Variants in FYB1 observed in about 807,000 individuals in gnomAD.
FYB1 encodes FYN binding protein 1.
In FYB1, 41 loss-of-function variants were observed where a neutral mutation model predicts 94.1. That is an observed-to-expected ratio of 0.44 (90% confidence interval 0.34 to 0.57). The LOEUF (loss-of-function observed/expected upper bound fraction) is 0.57. Ranked by LOEUF, FYB1 falls within the 20% of genes least tolerant of loss-of-function variation. The pLI is 0.02. For synonymous variants in FYB1, 367 were observed against 353.2 expected, an observed-to-expected ratio of 1.04 and a Z score of -0.44; for missense variants, 1,050 against 976.8, an observed-to-expected ratio of 1.07 and a Z score of -1.00.
chr5:39,196,758 C>T (rs1747871145), intron 2 of FYB1, among the ~76,000 whole-genome samples: 2 of 152,168 alleles, frequency 1.3e-5, no homozygotes, highest in Admixed American at 6.5e-5. Context: ...GGCAGCCCAG[C>T]ACGAGGAAGT....
At chr5:39,228,817 T>C (rs1259186774) in intron 1 of FYB1, among the ~76,000 whole-genome samples, 2 of 152,212 alleles carry the variant, frequency 1.3e-5, no homozygotes, top group African/African-American at 4.8e-5. Flanking sequence ...TGACTTATGA[T>C]GTAATCTTTC....
chr5:39,216,224 C>T (rs700189), intron 1 of FYB1, among the ~76,000 whole-genome samples: 152,006 of 152,302 alleles, frequency 1, 75,855 homozygotes, highest in Middle Eastern at 1. Context: ...AAATAATACA[C>T]GCCCTTACAA....
intron 2 of FYB1, among the ~76,000 whole-genome samples, chr5:39,200,363 C>A (rs892399194): frequency 6.6e-6 from 1 of 152,128 alleles, no homozygotes; most frequent in African/African-American, 2.4e-5. Context: ...CACACTGGAG[C>A]GGGAGTGAAA....
intron 2 of FYB1, among the ~76,000 whole-genome samples, chr5:39,187,647 C>T (rs1000996753): frequency 6.6e-6 from 1 of 152,152 alleles, no homozygotes; most frequent in Non-Finnish European, 1.5e-5. Flanking sequence ...GGGGTATCAC[C>T]AAGCATGGAG....
At chr5:39,215,575 G>C (rs532001814) in intron 1 of FYB1, among the ~76,000 whole-genome samples, 1 of 152,190 alleles carries the variant, frequency 6.6e-6, no homozygotes, top group Non-Finnish European at 1.5e-5. Flanking sequence ...GGGGGAGGGT[G>C]TGGCATCCTG....
At chr5:39,129,207 G>GA (rs1241088636) in intron 10 of FYB1, among the ~76,000 whole-genome samples, 3 of 151,976 alleles carry the variant, frequency 2.0e-5, no homozygotes, top group African/African-American at 7.2e-5. Context: ...ATACACTGGG[G>GA]AAAAAACACC....
At chr5:39,172,126 A>G (rs773896279) in intron 2 of FYB1, among the ~76,000 whole-genome samples, 2 of 152,166 alleles carry the variant, frequency 1.3e-5, no homozygotes, top group Non-Finnish European at 2.9e-5. Context: ...AAGCAGACCC[A>G]CTGAAAGGAT....
At chr5:39,177,558 C>T (rs1156428593) in intron 2 of FYB1, among the ~76,000 whole-genome samples, 5 of 152,204 alleles carry the variant, frequency 3.3e-5, no homozygotes, top group Non-Finnish European at 7.3e-5. Flanking sequence ...ATTAAGTTCT[C>T]TACAACGTAT....
At chr5:39,233,002 A>G (rs4018969) in intron 1 of FYB1, among the ~76,000 whole-genome samples, 9,382 of 151,870 alleles carry the variant, frequency 0.062, 824 homozygotes, top group East Asian at 0.2. Context: ...AGTCTTTGCT[A>G]TTGTGAATAA....
chr5:39,266,053 T>C (rs1752425489), intron 1 of FYB1, among the ~76,000 whole-genome samples: 1 of 152,132 alleles, frequency 6.6e-6, no homozygotes, highest in South Asian at 2.1e-4. Flanking sequence ...AGAACATCTA[T>C]TTCTTCATTT....
intron 1 of FYB1, among the ~76,000 whole-genome samples, chr5:39,270,022 C>T (rs926478303): frequency 2.0e-5 from 3 of 152,090 alleles, no homozygotes; most frequent in African/African-American, 7.3e-5. Context: ...TAAGTATGCT[C>T]CAAATAATGA....
rs116287321 is a variant in FYB1 at position 39,150,513 on chromosome 5, A to G, written c.1292+2935T>C. Among the ~76,000 whole-genome samples the G allele has an allele frequency of 2.9e-3, 442 of 152,294 alleles. 2 individuals are homozygous for G. Among genetic ancestry groups the G allele is most frequent in the African/African-American group, 0.01 (434 of 41,564 alleles). On this transcript the variant is annotated intron_variant, in intron 3 of 18. Coordinates refer to ENST00000512982, the MANE Select transcript of FYB1 (RefSeq NM_001465.6). ...ACTTTATGGAACAAAGTGTTGCCCAATTTTAGACGTGCAAATAGAAACTCT... is the reference window on the plus strand; with the variant it reads ...ACTTTATGGAACAAAGTGTTGCCCAGTTTTAGACGTGCAAATAGAAACTCT...
chr5:39,266,302 C>T (rs1752434960), intron 1 of FYB1, among the ~76,000 whole-genome samples: 14 of 152,150 alleles, frequency 9.2e-5, no homozygotes, highest in Admixed American at 9.2e-4. Context: ...TGTATCTTGA[C>T]TGAGCCTCTT....
intron 16 of FYB1, among the ~76,000 whole-genome samples, chr5:39,115,495 G>T (rs1465078094): frequency 1.3e-5 from 2 of 152,134 alleles, no homozygotes; most frequent in East Asian, 3.9e-4. Context: ...AAGCCTAGAT[G>T]ATAAAGAGTT....
intron 1 of FYB1, among the ~76,000 whole-genome samples, chr5:39,241,835 T>A (rs1284968258): frequency 1.3e-5 from 2 of 151,922 alleles, no homozygotes; most frequent in Non-Finnish European, 2.9e-5. Flanking sequence ...AAGCTCTTTT[T>A]TTTTTTTTTC....
chr5:39,216,908 T>C (rs1749914405), intron 1 of FYB1, among the ~76,000 whole-genome samples: 1 of 152,224 alleles, frequency 6.6e-6, no homozygotes, highest in Non-Finnish European at 1.5e-5. Flanking sequence ...TGAATTTATA[T>C]AGCTAAATGA....
intron 1 of FYB1, among the ~76,000 whole-genome samples, chr5:39,209,361 C>T (rs1749152239): frequency 2.0e-5 from 3 of 149,878 alleles, no homozygotes; most frequent in Admixed American, 2.0e-4. Context: ...GAGCCTCCCT[C>T]TATCACCCAG....
chr5:39,215,717 G>C (rs147447617), intron 1 of FYB1, among the ~76,000 whole-genome samples: 8 of 152,328 alleles, frequency 5.3e-5, no homozygotes, highest in Non-Finnish European at 1.0e-4. Flanking sequence ...GCACCTTTTG[G>C]TGGAGGTACC....
At chr5:39,212,315 T>TA (rs1055946637) in intron 1 of FYB1, among the ~76,000 whole-genome samples, 121 of 150,442 alleles carry the variant, frequency 8.0e-4, no homozygotes, top group Non-Finnish European at 2.4e-4. Context: ...CTCAAAAAAA[T>TA]AAAAAATAAA....
Sources: gnomAD v4.1 joint callset for allele counts (sites outside exome capture counted in the v4.1 genomes callset) on GRCh38, gnomAD v4.1.1 for gene constraint, MANE v1.5 for transcripts, NCBI Gene and HGNC (gene_info 2026-07-23, HGNC 2026-07-21) for gene names.